RCAN1: variants seen among roughly 807,000 people sequenced by gnomAD.
The protein encoded by RCAN1 is calcipressin-1.
Under a neutral mutation model 22.9 loss-of-function variants are expected in RCAN1, and 11 were observed. That is an observed-to-expected ratio of 0.48 (90% confidence interval 0.30 to 0.79). The LOEUF is 0.79. RCAN1 is among the 30% of genes least tolerant of loss of function. The probability of loss-of-function intolerance (pLI) is 0.06; values close to 1 mark genes in which losing one functional copy is unlikely to be tolerated. For missense variants in RCAN1, 291 were observed against 337.8 expected, an observed-to-expected ratio of 0.86 and a Z score of 1.09; for synonymous variants, 136 against 142.3, an observed-to-expected ratio of 0.96 and a Z score of 0.32.
intron 1 of RCAN1, among the ~76,000 whole-genome samples, chr21:34,554,415 C>T (rs1259906949): frequency 1.3e-5 from 2 of 152,168 alleles, no homozygotes; most frequent in East Asian, 3.8e-4. Context: ...GCTGATACAT[C>T]TGGAGGCTGG....
At chr21:34,550,290 C>T (rs1273690759) in intron 1 of RCAN1, among the ~76,000 whole-genome samples, 2 of 152,166 alleles carry the variant, frequency 1.3e-5, no homozygotes, top group African/African-American at 4.8e-5. Context: ...AACAGTTTTG[C>T]AAATTCAAAG....
intron 1 of RCAN1, among the ~76,000 whole-genome samples, chr21:34,607,864 G>A (rs1200992369): frequency 6.6e-6 from 1 of 152,204 alleles, no homozygotes; most frequent in Non-Finnish European, 1.5e-5. Flanking sequence ...GAGGTGAGCA[G>A]CGGGTGAGCC....
intron 1 of RCAN1, among the ~76,000 whole-genome samples, chr21:34,581,930 A>G (rs1030726692): frequency 6.6e-6 from 1 of 152,252 alleles, no homozygotes; most frequent in Middle Eastern, 3.4e-3. Context: ...TAAATTTGCT[A>G]TCAAAATGCC....
At chr21:34,577,018 G>A (rs1601192297) in intron 1 of RCAN1, among the ~76,000 whole-genome samples, 2 of 152,144 alleles carry the variant, frequency 1.3e-5, no homozygotes, top group East Asian at 3.9e-4. Flanking sequence ...CCATCAGAAG[G>A]CCGGCAGGGG....
chr21:34,572,362 T>C (rs1362354115), intron 1 of RCAN1, among the ~76,000 whole-genome samples: 3 of 152,060 alleles, frequency 2.0e-5, no homozygotes, highest in African/African-American at 7.2e-5. Context: ...CCATGTGCCC[T>C]CTTTCTGGCT....
At chr21:34,582,061 G>A (rs549094853) in intron 1 of RCAN1, among the ~76,000 whole-genome samples, 6 of 152,130 alleles carry the variant, frequency 3.9e-5, no homozygotes, top group Admixed American at 6.5e-5. Flanking sequence ...AGTTTCTCCC[G>A]GGGGTTGCTT....
intron 1 of RCAN1, among the ~76,000 whole-genome samples, chr21:34,605,558 C>T (rs999484025): frequency 4.6e-5 from 7 of 152,200 alleles, no homozygotes; most frequent in Non-Finnish European, 8.8e-5. Flanking sequence ...CTTCACAGAG[C>T]TATCCTAGGA....
intron 1 of RCAN1, among the ~76,000 whole-genome samples, chr21:34,580,620 G>C (rs1322177002): frequency 6.6e-6 from 1 of 152,230 alleles, no homozygotes; most frequent in East Asian, 1.9e-4. Context: ...GCTGGGTGGA[G>C]AGATGGGTGT....
chr21:34,534,236 G>A (rs566402962), intron 1 of RCAN1, among the ~76,000 whole-genome samples: 26 of 152,066 alleles, frequency 1.7e-4, no homozygotes, highest in Non-Finnish European at 3.4e-4. Flanking sequence ...ACCTCCTCCA[G>A]GGACCCCCTC....
At position 34,517,982 on chromosome 21, in the gene RCAN1, G is replaced by T. The variant is rs868014396; in HGVS notation, c.*102C>A. The T allele has an allele frequency of 3.5e-6, 5 of 1,432,558 alleles. 1 individual carries two copies. The highest frequency in any genetic ancestry group is 1.8e-5 in the Admixed American group (1 of 54,154). The allele number at this position is 1,432,558 out of a possible 1,614,324, so 88.7% of individuals were successfully genotyped here. On this transcript the variant is annotated 3_prime_UTR_variant, in exon 4 of 4. Transcript: ENST00000313806. ...CATGAACTGGGATTTCTGCCACCCCGATCTCGGCTGCCACCTCCGAAGAAG... is the reference window on the plus strand; with the variant it reads ...CATGAACTGGGATTTCTGCCACCCCTATCTCGGCTGCCACCTCCGAAGAAG...
At chr21:34,536,134 C>T (rs1345279487) in intron 1 of RCAN1, among the ~76,000 whole-genome samples, 1 of 152,116 alleles carries the variant, frequency 6.6e-6, no homozygotes, top group East Asian at 1.9e-4. Context: ...CTTGGAAACG[C>T]ACTGCTTGCA....
chr21:34,557,015 C>T (rs1029829376), intron 1 of RCAN1, among the ~76,000 whole-genome samples: 1 of 152,168 alleles, frequency 6.6e-6, no homozygotes, highest in African/African-American at 2.4e-5. Flanking sequence ...GAGTTCGAGA[C>T]CAGCCTGGCC....
At chr21:34,525,187 CG>C (rs771154253) in intron 1 of RCAN1, 194 of 1,550,528 alleles carry the variant, frequency 1.3e-4, no homozygotes, top group Non-Finnish European at 6.9e-5. Context: ...CTAGCAAGCG[CG>C]GGGAGGCACT....
intron 1 of RCAN1, among the ~76,000 whole-genome samples, chr21:34,555,604 TAAA>T: frequency 6.7e-6 from 1 of 150,240 alleles, no homozygotes; most frequent in Non-Finnish European, 1.5e-5. Flanking sequence ...ATAATAATAA[TAAA>T]AAAATAAAAT....
chr21:34,588,343 G>A (rs1244055234), intron 1 of RCAN1, among the ~76,000 whole-genome samples: 1 of 152,164 alleles, frequency 6.6e-6, no homozygotes, highest in East Asian at 1.9e-4. Flanking sequence ...CATGAAGGAT[G>A]CTTCCAGGTG....
intron 1 of RCAN1, among the ~76,000 whole-genome samples, chr21:34,547,107 T>C (rs925689956): frequency 6.6e-6 from 1 of 152,142 alleles, no homozygotes; most frequent in African/African-American, 2.4e-5. Flanking sequence ...AAACTCCTAC[T>C]CAGCTGCAGC....
intron 1 of RCAN1, among the ~76,000 whole-genome samples, chr21:34,608,098 T>C (rs1988586024): frequency 6.6e-6 from 1 of 152,216 alleles, no homozygotes; most frequent in South Asian, 2.1e-4. Flanking sequence ...AGCTTAGGGC[T>C]TCTACTAATT....
chr21:34,526,894 T>A, intron 1 of RCAN1: 1 of 1,452,538 alleles, frequency 6.9e-7, no homozygotes, highest in Admixed American at 3.2e-5. Flanking sequence ...AAAAAAAAAG[T>A]GCAGCTTCCA....
At chr21:34,554,028 T>C (rs1986465328) in intron 1 of RCAN1, among the ~76,000 whole-genome samples, 1 of 152,214 alleles carries the variant, frequency 6.6e-6, no homozygotes, top group South Asian at 2.1e-4. Flanking sequence ...TTTGCTGGCA[T>C]TTTAAGGAAG....
Sources: gnomAD v4.1 joint callset for allele counts (sites outside exome capture counted in the v4.1 genomes callset) on GRCh38, gnomAD v4.1.1 for gene constraint, MANE v1.5 for transcripts, NCBI Gene and HGNC (gene_info 2026-07-23, HGNC 2026-07-21) for gene names.